KCNH1: variants seen among roughly 807,000 people sequenced by gnomAD.
KCNH1 encodes potassium voltage-gated channel subfamily H member 1, also known as voltage-gated delayed rectifier potassium channel KCNH1.
Under a neutral mutation model 69.2 loss-of-function variants are expected in KCNH1, and 27 were observed. The observed-to-expected ratio is 0.39, with a 90% confidence interval of 0.29 to 0.54. The LOEUF is 0.54. Ranked by LOEUF, KCNH1 falls within the 20% of genes least tolerant of loss-of-function variation. The pLI, the probability that KCNH1 is intolerant of heterozygous loss-of-function variation, is 0.68. For synonymous variants in KCNH1, 456 were observed against 487.7 expected (o/e 0.93, Z 0.86); for missense variants, 798 against 1,261.6 (o/e 0.63, Z 5.57).
intron 10 of KCNH1, among the ~76,000 whole-genome samples, chr1:210,688,020 G>A (rs1428747811): frequency 6.6e-6 from 1 of 152,138 alleles, no homozygotes; most frequent in Non-Finnish European, 1.5e-5. Flanking sequence ...GTACTATGAG[G>A]GGGAAAAGTT....
intron 9 of KCNH1, among the ~76,000 whole-genome samples, chr1:210,787,903 G>C (rs1265571385): frequency 6.6e-6 from 1 of 152,216 alleles, no homozygotes; most frequent in African/African-American, 2.4e-5. Context: ...TGCTGATCAT[G>C]AGAAATCAAG....
At chr1:211,091,898 C>A (rs1433480447) in intron 3 of KCNH1, among the ~76,000 whole-genome samples, 4 of 152,136 alleles carry the variant, frequency 2.6e-5, no homozygotes, top group Non-Finnish European at 5.9e-5. Context: ...GCAAGAAGCA[C>A]CAATTTATTC....
chr1:210,951,727 T>C (rs775144046), intron 6 of KCNH1, among the ~76,000 whole-genome samples: 4 of 152,164 alleles, frequency 2.6e-5, no homozygotes, highest in Non-Finnish European at 4.4e-5. Context: ...ATTTATTATA[T>C]ATAAAAAGAG....
intron 7 of KCNH1, among the ~76,000 whole-genome samples, chr1:210,871,602 C>T (rs1299894481): frequency 2.6e-5 from 4 of 152,076 alleles, no homozygotes; most frequent in Non-Finnish European, 4.4e-5. Context: ...CACATGCACA[C>T]GTATGTTTAT....
chr1:210,988,676 A>C (rs1688888407), intron 6 of KCNH1, among the ~76,000 whole-genome samples: 1 of 152,208 alleles, frequency 6.6e-6, no homozygotes, highest in Non-Finnish European at 1.5e-5. Flanking sequence ...TTGGAATTGG[A>C]TTATGTGAGA....
intron 9 of KCNH1, among the ~76,000 whole-genome samples, chr1:210,786,751 A>G (rs1684112095): frequency 6.6e-6 from 1 of 152,174 alleles, no homozygotes; most frequent in Admixed American, 6.5e-5. Context: ...TTCCTGGGAA[A>G]CCTGCCCATC....
chr1:210,806,862 C>A (rs1684592055), intron 7 of KCNH1, among the ~76,000 whole-genome samples: 1 of 115,216 alleles, frequency 8.7e-6, no homozygotes, highest in African/African-American at 3.5e-5. Context: ...TATAAATTTG[C>A]CGGGCATGGT....
At chr1:210,920,921 A>T (rs1226128959) in intron 6 of KCNH1, among the ~76,000 whole-genome samples, 1 of 152,214 alleles carries the variant, frequency 6.6e-6, no homozygotes, top group Non-Finnish European at 1.5e-5. Context: ...TCTGGCTGGC[A>T]TCCACTGATC....
At chr1:210,797,404 G>T in intron 9 of KCNH1, 104 bp downstream of exon 9, 1 of 1,289,030 alleles carries the variant, frequency 7.8e-7, no homozygotes, top group Non-Finnish European at 1.1e-6. Context: ...AATTGGCCCT[G>T]CCCTATGAAG....
intron 10 of KCNH1, among the ~76,000 whole-genome samples, chr1:210,766,934 G>T (rs1355872720): frequency 6.6e-6 from 1 of 152,154 alleles, no homozygotes; most frequent in Admixed American, 6.5e-5. Flanking sequence ...AGTAGTTATT[G>T]TTATCAGAGG....
intron 3 of KCNH1, among the ~76,000 whole-genome samples, chr1:211,102,870 T>C (rs892391620): frequency 6.6e-6 from 1 of 152,198 alleles, no homozygotes; most frequent in African/African-American, 2.4e-5. Context: ...CCATGCAGCC[T>C]TGCTAGGCCC....
At chr1:211,117,530 C>G (rs898259480) in intron 1 of KCNH1, among the ~76,000 whole-genome samples, 2 of 152,142 alleles carry the variant, frequency 1.3e-5, no homozygotes, top group African/African-American at 4.8e-5. Context: ...CAGAGCCAGC[C>G]TAGAGAGAAA....
chr1:210,960,897 T>A (rs1688280040), intron 6 of KCNH1, among the ~76,000 whole-genome samples: 1 of 152,208 alleles, frequency 6.6e-6, no homozygotes, highest in African/African-American at 2.4e-5. Context: ...GGTTCCTCCA[T>A]ATCAACACTT....
intron 7 of KCNH1, among the ~76,000 whole-genome samples, chr1:210,917,854 A>T (rs555365046): frequency 6.6e-5 from 10 of 152,330 alleles, no homozygotes; most frequent in African/African-American, 2.4e-4. Context: ...AAGAGAAAAG[A>T]TCTTAAATCC....
intron 7 of KCNH1, among the ~76,000 whole-genome samples, chr1:210,898,315 C>T (rs552066451): frequency 2.0e-5 from 3 of 152,248 alleles, no homozygotes; most frequent in Admixed American, 6.5e-5. Flanking sequence ...AAAAAATATG[C>T]CATTTAATTA....
chr1:211,020,233 T>TA (rs544264031), intron 5 of KCNH1, among the ~76,000 whole-genome samples: 30 of 151,688 alleles, frequency 2.0e-4, no homozygotes, highest in Non-Finnish European at 3.8e-4. Context: ...AACATAATTT[T>TA]AAAAAAACCC....
At chr1:210,746,341 C>A (rs9429848) in intron 10 of KCNH1, among the ~76,000 whole-genome samples, 73,002 of 151,476 alleles carry the variant, frequency 0.48, 17,751 homozygotes, top group East Asian at 0.7. Context: ...CCTCCCCTTT[C>A]ATTTTACAGA....
At chr1:211,077,746 T>C (rs1690763790) in intron 5 of KCNH1, among the ~76,000 whole-genome samples, 1 of 152,110 alleles carries the variant, frequency 6.6e-6, no homozygotes, top group East Asian at 1.9e-4. Flanking sequence ...AGGATCAAAT[T>C]CACACATAAC....
intron 5 of KCNH1, among the ~76,000 whole-genome samples, chr1:211,031,967 A>G: frequency 6.6e-6 from 1 of 152,198 alleles, no homozygotes; most frequent in East Asian, 1.9e-4. Context: ...GAGGAAGTCA[A>G]ATTGTCCCTG....
Sources: gnomAD v4.1 joint callset for allele counts (sites outside exome capture counted in the v4.1 genomes callset) on GRCh38, gnomAD v4.1.1 for gene constraint, MANE v1.5 for transcripts, NCBI Gene and HGNC (gene_info 2026-07-23, HGNC 2026-07-21) for gene names.